Variants in MCTP1 observed in about 807,000 individuals in gnomAD.
MCTP1 encodes the protein multiple C2 and transmembrane domain containing 1.
A neutral mutation model predicts 120.6 loss-of-function variants in MCTP1; 69 were observed. The observed-to-expected ratio is 0.57, with a 90% CI of 0.47 to 0.70. The LOEUF is 0.70. MCTP1 is among the 30% of genes least tolerant of loss of function. The probability of loss-of-function intolerance (pLI) is 0.00; values close to 1 mark genes in which losing one functional copy is unlikely to be tolerated. For missense variants in MCTP1, 1,203 were observed against 1,248.8 expected (o/e 0.96, Z 0.55); for synonymous variants, 529 against 493.1 (o/e 1.07, Z -0.96).
At chr5:94,941,958 C>T (rs944696827) in intron 4 of MCTP1, among the ~76,000 whole-genome samples, 7 of 151,998 alleles carry the variant, frequency 4.6e-5, no homozygotes, top group Non-Finnish European at 8.8e-5. Context: ...AAAGTGTACA[C>T]ACTGCATTTT....
Position 94,870,987 on chromosome 5 carries a change from A to G in MCTP1, c.2140-14T>C. 1.2e-6 allele frequency: 2 copies of G among 1,604,972 alleles called. No homozygotes were observed. Among genetic ancestry groups the G allele is most frequent in the Non-Finnish European group, 1.7e-6 (2 of 1,172,124 alleles). On this transcript the variant is annotated splice_polypyrimidine_tract_variant and intron_variant, in intron 14 of 22. Transcript: ENST00000515393. ...ACCATTTTGAATCTGCGGGAAAAGG[A>G]CATGACAGCCGTCTGTCTCGCGGTC...
At chr5:94,850,257 A>C (rs1188784930) in intron 17 of MCTP1, among the ~76,000 whole-genome samples, 2 of 152,174 alleles carry the variant, frequency 1.3e-5, no homozygotes, top group Non-Finnish European at 2.9e-5. Flanking sequence ...AATGCAAAGT[A>C]AAGTCACCTC....
intron 1 of MCTP1, among the ~76,000 whole-genome samples, chr5:95,240,972 T>C (rs1756101113): frequency 6.6e-6 from 1 of 152,094 alleles, no homozygotes; most frequent in Non-Finnish European, 1.5e-5. Flanking sequence ...TATTAGAAAA[T>C]ATCCTAGTAG....
chr5:95,034,025 AAGATCTCTACAAGG>A (rs1186699181), intron 1 of MCTP1, among the ~76,000 whole-genome samples: 1 of 152,112 alleles, frequency 6.6e-6, no homozygotes, highest in African/African-American at 2.4e-5. Flanking sequence ...AAAGAGGTAA[AAGATCTCTACAAGG>A]AGAATTACAA....
chr5:94,898,214 A>T (rs764958501), intron 10 of MCTP1, among the ~76,000 whole-genome samples: 58 of 152,244 alleles, frequency 3.8e-4, no homozygotes, highest in Non-Finnish European at 7.9e-4. Context: ...GCCCATTTTC[A>T]TAAATATATC....
intron 10 of MCTP1, among the ~76,000 whole-genome samples, chr5:94,905,634 C>A (rs67954988): frequency 0.16 from 24,160 of 152,124 alleles, 2,295 homozygotes; most frequent in African/African-American, 0.26. Context: ...CATGGTTCCA[C>A]GATTTTTGGT....
chr5:94,777,001 A>G (rs746343289), intron 19 of MCTP1, among the ~76,000 whole-genome samples: 3 of 148,988 alleles, frequency 2.0e-5, no homozygotes, highest in Non-Finnish European at 4.5e-5. Flanking sequence ...AAATTATTAC[A>G]TTTGAGATTT....
intron 1 of MCTP1, among the ~76,000 whole-genome samples, chr5:95,242,751 C>A (rs1756308016): frequency 6.6e-6 from 1 of 151,924 alleles, no homozygotes; most frequent in Admixed American, 6.6e-5. Flanking sequence ...GGGATGAAGG[C>A]AGAGAGAGAT....
At chr5:95,027,396 G>A (rs755841998) in intron 1 of MCTP1, among the ~76,000 whole-genome samples, 6 of 152,192 alleles carry the variant, frequency 3.9e-5, no homozygotes, top group Non-Finnish European at 8.8e-5. Flanking sequence ...TTAGCAGAGA[G>A]CATTAGTAGG....
intron 19 of MCTP1, among the ~76,000 whole-genome samples, chr5:94,741,324 T>C (rs747713100): frequency 1.3e-5 from 2 of 152,182 alleles, no homozygotes; most frequent in African/African-American, 2.4e-5. Context: ...ATAAGAAGTA[T>C]AAAAATGGAA....
At chr5:95,218,052 G>C (rs962379135) in intron 1 of MCTP1, among the ~76,000 whole-genome samples, 2 of 152,200 alleles carry the variant, frequency 1.3e-5, no homozygotes, top group African/African-American at 2.4e-5. Flanking sequence ...ACCAGAGACA[G>C]AGCCTTCCAG....
At chr5:94,991,471 T>G (rs1373868839) in intron 2 of MCTP1, among the ~76,000 whole-genome samples, 1 of 152,256 alleles carries the variant, frequency 6.6e-6, no homozygotes, top group African/African-American at 2.4e-5. Flanking sequence ...TCTAGCTTTT[T>G]CTTGCCCTCT....
At chr5:95,261,883 A>T (rs1758501554) in intron 1 of MCTP1, among the ~76,000 whole-genome samples, 1 of 152,206 alleles carries the variant, frequency 6.6e-6, no homozygotes, top group African/African-American at 2.4e-5. Context: ...TTAACCCACA[A>T]TGTGGTTTCA....
chr5:95,197,800 T>C (rs1582502093), intron 1 of MCTP1, among the ~76,000 whole-genome samples: 1 of 152,134 alleles, frequency 6.6e-6, no homozygotes, highest in East Asian at 1.9e-4. Flanking sequence ...TGGGATTGGT[T>C]CCAGTTCCTC....
intron 1 of MCTP1, among the ~76,000 whole-genome samples, chr5:95,074,393 T>A (rs538372829): frequency 6.6e-6 from 1 of 152,358 alleles, no homozygotes; most frequent in South Asian, 2.1e-4. Context: ...GGCTGGCAAC[T>A]CCTAGGGCAT....
intron 18 of MCTP1, among the ~76,000 whole-genome samples, chr5:94,781,303 G>C (rs1776528457): frequency 6.6e-6 from 1 of 151,990 alleles, no homozygotes; most frequent in African/African-American, 2.4e-5. Flanking sequence ...CATATTTCAG[G>C]TGCTATGAAG....
intron 19 of MCTP1, among the ~76,000 whole-genome samples, chr5:94,733,593 G>GCTCCC (rs1763545837): frequency 6.6e-6 from 1 of 152,012 alleles, no homozygotes; most frequent in Non-Finnish European, 1.5e-5. Context: ...TAGAAAAGAA[G>GCTCCC]CCCCCTTCCC....
At chr5:95,064,805 T>C (rs955715144) in intron 1 of MCTP1, among the ~76,000 whole-genome samples, 2 of 152,230 alleles carry the variant, frequency 1.3e-5, no homozygotes, top group Non-Finnish European at 2.9e-5. Context: ...AAGAAAATGA[T>C]ATTTTACAGA....
chr5:95,011,870 T>C (rs1184087101), intron 2 of MCTP1, among the ~76,000 whole-genome samples: 1 of 152,164 alleles, frequency 6.6e-6, no homozygotes, highest in Non-Finnish European at 1.5e-5. Context: ...TTAAGTTGGC[T>C]CCTATGTGAT....
Sources: allele counts gnomAD v4.1 joint callset (sites outside exome capture counted in the v4.1 genomes callset), GRCh38; gene constraint gnomAD v4.1.1; transcripts MANE v1.5; gene names NCBI Gene and HGNC (gene_info 2026-07-23, HGNC 2026-07-21).